PAN3: variants seen among roughly 807,000 people sequenced by gnomAD.
PAN3 encodes the protein PAN2-PAN3 deadenylation complex subunit PAN3.
Under a neutral mutation model 96.2 loss-of-function variants are expected in PAN3, and 19 were observed. The observed-to-expected ratio is 0.20, with a 90% CI of 0.14 to 0.29. The LOEUF (loss-of-function observed/expected upper bound fraction) is 0.29. PAN3 is among the 10% of genes least tolerant of loss of function. PAN3 has a pLI of 1.00. For missense variants in PAN3, 882 were observed against 1,108.1 expected, an observed-to-expected ratio of 0.80 and a Z score of 2.90; for synonymous variants, 433 against 406.6, an observed-to-expected ratio of 1.06 and a Z score of -0.78.
At chr13:28,287,161 T>C (rs1869093263) in intron 17 of PAN3, among the ~76,000 whole-genome samples, 1 of 152,236 alleles carries the variant, frequency 6.6e-6, no homozygotes, top group Non-Finnish European at 1.5e-5. Flanking sequence ...ATCCTTCTTC[T>C]GGGAAGAGCA....
rs868127335 is a variant in PAN3 at position 28,260,545 on chromosome 13, C to T, written c.1347C>T (p.Leu449=). The change falls in exon 8 of 19, where the codon CTC becomes CTT. Residue 449 remains leucine, a synonymous_variant. Transcript: ENST00000380958. ...NAPSFFMADE[L]RQELINRHLI... ...CTTCCTTCTTCATGGCTGATGAACT[C>T]CGACAGGTATGCTTTCAGAATTCAT... is the stretch of plus-strand genomic sequence containing the variant. 2 of 1,607,322 alleles carry T rather than the reference C, an allele frequency of 1.2e-6. No individual in the cohort carries two copies. Among genetic ancestry groups the T allele is most frequent in the Non-Finnish European group, 1.7e-6 (2 of 1,174,056 alleles).
intron 1 of PAN3, among the ~76,000 whole-genome samples, chr13:28,140,647 G>A (rs2137899806): frequency 6.6e-6 from 1 of 152,294 alleles, no homozygotes; most frequent in Admixed American, 6.5e-5. Context: ...CTCCCAAAGT[G>A]CTGGGATTAC....
chr13:28,280,406 G>T lies in PAN3; in HGVS notation c.2190-6G>T. 1.2e-6 allele frequency: 2 copies of T among 1,601,466 alleles called. No individual in the cohort carries two copies. The highest frequency in any genetic ancestry group is 1.7e-6 in the Non-Finnish European group (2 of 1,174,912). ...ATCCAAGTAATTCCTCTTTTATCTT[G>T]GGTAGGTATTTGTTGACTGACCAAA... On this transcript the variant is annotated splice_polypyrimidine_tract_variant and splice_region_variant and intron_variant, in intron 15 of 18. Coordinates refer to ENST00000380958, the MANE Select transcript of PAN3 (RefSeq NM_175854.8).
At chr13:28,185,349 TAA>T (rs1876318392) in intron 4 of PAN3, among the ~76,000 whole-genome samples, 1 of 152,204 alleles carries the variant, frequency 6.6e-6, no homozygotes, top group Non-Finnish European at 1.5e-5. Flanking sequence ...TCCTGCTAAG[TAA>T]AGAGTATTCG....
chr13:28,252,035 G>A (rs565359488), intron 6 of PAN3, among the ~76,000 whole-genome samples: 11 of 151,724 alleles, frequency 7.3e-5, no homozygotes, highest in Middle Eastern at 3.4e-3. Context: ...TTACAGGTGC[G>A]CACCACCACA....
rs192375555 is a variant in PAN3 at position 28,258,085 on chromosome 13, C to T, written c.1248+1546C>T. Among the ~76,000 whole-genome samples the T allele has an allele frequency of 2.1e-3, 324 of 152,000 alleles. No homozygotes were observed. In the Middle Eastern group the frequency reaches 0.027, roughly 13 times the overall value. The stretch of plus-strand genomic sequence containing the variant: ...CCGCCCACCTTGGCCTCTGAAGTGC[C>T]GGGATTACAGGCGTGAGCCACCATG... On this transcript the variant is annotated intron_variant, in intron 7 of 18. Transcript: ENST00000380958.
At chr13:28,180,517 G>GA (rs1015932226) in intron 4 of PAN3, among the ~76,000 whole-genome samples, 2 of 152,202 alleles carry the variant, frequency 1.3e-5, no homozygotes, top group South Asian at 2.1e-4. Context: ...AAAGGCATAT[G>GA]AAAAAATGTC....
At chr13:28,280,636 A>T in intron 16 of PAN3, 95 bp downstream of exon 16, 2 of 1,138,020 alleles carry the variant, frequency 1.8e-6, no homozygotes, top group Admixed American at 7.1e-5. Flanking sequence ...ATCTCGGCTT[A>T]CTGTAACCTC....
rs185836659 is a variant in PAN3, at chr13:28,161,819, C to A, written c.431-12453C>A. ...ACTTTTTCCTTGGTTTGTGAACTTT[C>A]GAGGGAGTTCCAGCTCTTCAAACAG... is the stretch of plus-strand genomic sequence containing the variant. On this transcript the variant is annotated intron_variant, in intron 1 of 18. Transcript: ENST00000380958. Among the ~76,000 whole-genome samples the A allele has an allele frequency of 3.3e-5, 5 of 152,260 alleles. No homozygotes were observed. In the East Asian group the frequency reaches 9.6e-4, roughly 29 times the overall value.
chr13:28,150,440 A>G (rs993193835), intron 1 of PAN3, among the ~76,000 whole-genome samples: 2 of 152,114 alleles, frequency 1.3e-5, no homozygotes, highest in Non-Finnish European at 2.9e-5. Flanking sequence ...CCTGGCTAAC[A>G]TGGTGAAACC....
In PAN3 at chr13:28,251,570, G is replaced by T. The variant is rs896976072; in HGVS notation, c.1001-4722G>T. Reference sequence around the variant, plus strand: ...ATGTGGTTTCCATTTCTCTTAAGACGTCACCCCAGTCCTCCAACCTTCCTC... The same window carrying T: ...ATGTGGTTTCCATTTCTCTTAAGACTTCACCCCAGTCCTCCAACCTTCCTC... On this transcript the variant is annotated intron_variant, in intron 6 of 18. Coordinates refer to ENST00000380958, the MANE Select transcript of PAN3 (RefSeq NM_175854.8). Among the ~76,000 whole-genome samples the T allele has an allele frequency of 2.6e-5, 4 of 152,220 alleles. No individual in the cohort carries two copies. In the South Asian group the frequency reaches 8.3e-4, roughly 32 times the overall value.
intron 6 of PAN3, among the ~76,000 whole-genome samples, chr13:28,244,559 T>C (rs1215684497): frequency 6.6e-6 from 1 of 152,186 alleles, no homozygotes; most frequent in African/African-American, 2.4e-5. Flanking sequence ...TTACTGACTT[T>C]ATATATACAT....
intron 14 of PAN3, among the ~76,000 whole-genome samples, chr13:28,274,749 ATATC>A (rs1566252440): frequency 6.6e-6 from 1 of 152,176 alleles, no homozygotes; most frequent in Admixed American, 6.6e-5. Context: ...TAAAGGATAT[ATATC>A]AGGCTTTCTT....
At chr13:28,188,441 A>G (rs988567149) in intron 4 of PAN3, among the ~76,000 whole-genome samples, 3 of 152,162 alleles carry the variant, frequency 2.0e-5, no homozygotes, top group Admixed American at 6.5e-5. Context: ...TCCACAAAAA[A>G]TTTTAAACAG....
At chr13:28,164,513 T>C (rs973113130) in intron 1 of PAN3, among the ~76,000 whole-genome samples, 2 of 152,230 alleles carry the variant, frequency 1.3e-5, no homozygotes, top group African/African-American at 4.8e-5. Flanking sequence ...TGGGTACTTT[T>C]TGGAAAATGT....
chr13:28,183,643 G>T (rs1876087639), intron 4 of PAN3, among the ~76,000 whole-genome samples: 3 of 152,216 alleles, frequency 2.0e-5, no homozygotes, highest in Admixed American at 2.0e-4. Flanking sequence ...ATTTTTCAAA[G>T]AACAAACAGC....
chr13:28,215,890 C>G (rs1880693930), intron 5 of PAN3: 2 of 1,331,000 alleles, frequency 1.5e-6, no homozygotes, highest in African/African-American at 2.9e-5. Context: ...TCTCAGAAGG[C>G]TAAATGAATA....
At position 28,292,419 on chromosome 13, in the gene PAN3, C is replaced by G. The variant is rs1371730556; in HGVS notation, c.2561C>G (p.Ser854Cys). Residue 854 changes from serine (S) to cysteine (C), a missense_variant, in exon 19 of 19, where the codon TCC becomes TGC. Ser to Cys is a moderately radical substitution (Grantham distance 112, BLOSUM62 -1). Coordinates refer to ENST00000380958, the MANE Select transcript of PAN3 (RefSeq NM_175854.8). ...AGVPEKISLI[S>C]RDEKSVLVVT... ...GTGCCAGAAAAAATAAGCCTGATTT[C>G]CAGAGATGAGAAGAGTGTACTTGTG... 1 of 1,608,794 alleles carries G rather than the reference C, an allele frequency of 6.2e-7. No homozygotes were observed. Among genetic ancestry groups the G allele is most frequent in the Non-Finnish European group, 8.5e-7 (1 of 1,177,874 alleles).
intron 5 of PAN3, among the ~76,000 whole-genome samples, chr13:28,201,978 C>CA (rs1878757950): frequency 6.6e-6 from 1 of 152,126 alleles, no homozygotes. Flanking sequence ...ACTCCTTCTT[C>CA]AGTTTATGGC....
Sources: allele counts gnomAD v4.1 joint callset (sites outside exome capture counted in the v4.1 genomes callset), GRCh38; gene constraint gnomAD v4.1.1; transcripts MANE v1.5; gene names NCBI Gene and HGNC (gene_info 2026-07-23, HGNC 2026-07-21).